MAN1B1: variants seen among roughly 807,000 people sequenced by gnomAD.
MAN1B1 encodes endoplasmic reticulum mannosyl-oligosaccharide 1,2-alpha-mannosidase.
Under a neutral mutation model 75.5 loss-of-function variants are expected in MAN1B1, and 66 were observed. The observed-to-expected ratio is 0.87, with a 90% CI of 0.72 to 1.07. The LOEUF is 1.07. Ranked by LOEUF, MAN1B1 falls within the 50% of genes least tolerant of loss-of-function variation. The pLI is 0.00. For synonymous variants in MAN1B1, 453 were observed against 382.8 expected, an observed-to-expected ratio of 1.18 and a Z score of -2.14; for missense variants, 973 against 912.5, an observed-to-expected ratio of 1.07 and a Z score of -0.85.
At position 137,107,046 on chromosome 9, in the gene MAN1B1, C is replaced by T; in HGVS notation, c.1567-204C>T. 6.7e-6 allele frequency: 5 copies of T among 747,038 alleles called. No individual in the cohort carries two copies. The South Asian group carries it at 9.3e-5, about 14-fold the overall frequency. 46.3% of individuals were successfully genotyped at this position (747,038 alleles called of 1,614,324 possible). A position where few individuals can be genotyped will look rare whatever the true frequency, so the allele number is the denominator to read the frequency against. On this transcript the variant is annotated intron_variant, in intron 10 of 12. Transcript: ENST00000371589. The stretch of plus-strand genomic sequence containing the variant: ...CTCCCTCCCCGTGCCCGGTGTGTAG[C>T]AGGTCCTCGGGCGGTGTGTGGGGGC...
rs1169491849 is a variant in MAN1B1 at position 137,097,814 on chromosome 9, C to T, written c.621-14C>T. ...TGTTTGACGGCAGCTGACACCCTTC[C>T]TTCTCCCCCGAAGCTGGAGGGGAGC... On this transcript the variant is annotated splice_polypyrimidine_tract_variant and intron_variant, in intron 4 of 12. Transcript: ENST00000371589. 1.9e-6 allele frequency: 3 copies of T among 1,543,516 alleles called. No individual in the cohort carries two copies. The highest frequency in any genetic ancestry group is 2.6e-6 in the Non-Finnish European group (3 of 1,140,190).
intron 8 of MAN1B1, chr9:137,103,350 T>C (rs1554756107): frequency 2.3e-6 from 1 of 438,548 alleles, no homozygotes. Context: ...TTTCACGCTG[T>C]TGCAGACGTG....
rs1255714745 is a variant in MAN1B1, at chr9:137,108,477, G to C, written c.1986G>C (p.Gly662=). ...PRDKMESFFL[G]ETLKYLFLLF... is the part of the protein sequence containing the mutation. ...ACAAGATGGAGAGCTTCTTCCTGGG[G>C]GAGACGCTCAAGTATCTGTTCTTGC... Residue 662 remains glycine, a synonymous_variant, in exon 13 of 13, where the codon GGG becomes GGC. Transcript: ENST00000371589. The C allele has an allele frequency of 1.2e-6, 2 of 1,613,862 alleles. No individual in the cohort carries two copies. Among genetic ancestry groups the C allele is most frequent in the African/African-American group, 2.7e-5 (2 of 74,916 alleles).
intron 5 of MAN1B1, 93 bp downstream of exon 5, chr9:137,098,030 C>T (rs900833099): frequency 2.1e-5 from 20 of 942,024 alleles, no homozygotes; most frequent in East Asian, 5.3e-5. Context: ...GGGTGGCGCC[C>T]CCGCCCTGGT....
chr9:137,103,211 T>G (rs1588629269), intron 8 of MAN1B1: 1 of 422,092 alleles, frequency 2.4e-6, no homozygotes, highest in African/African-American at 2.6e-5. Flanking sequence ...GGCGTGCAGG[T>G]CGGTGGTGTT....
chr9:137,108,357 G>A (rs770346353), intron 12 of MAN1B1, 31 bp from the exon 13 acceptor site: 73 of 1,589,022 alleles, frequency 4.6e-5, no homozygotes, highest in African/African-American at 2.7e-4. Context: ...GGTGCCCCCC[G>A]TGTGGTGACG....
At chr9:137,103,419 C>G in intron 8 of MAN1B1, 1 of 430,378 alleles carries the variant, frequency 2.3e-6, no homozygotes, top group Non-Finnish European at 4.6e-6. Flanking sequence ...GTGTTACATT[C>G]ACGCTGGTGC....
chr9:137,107,837 A>G (rs1831174530), intron 12 of MAN1B1, 175 bp downstream of exon 12: 2 of 800,800 alleles, frequency 2.5e-6, no homozygotes, highest in Non-Finnish European at 4.2e-6. Context: ...TGGCATCCCC[A>G]TCCCCACTGA....
intron 1 of MAN1B1, 57 bp from the exon 2 acceptor site, chr9:137,088,018 T>C: frequency 1.6e-6 from 2 of 1,289,132 alleles, no homozygotes; most frequent in East Asian, 2.3e-5. Flanking sequence ...TTGTGACAGT[T>C]GAGACGTTCC....
chr9:137,088,786 C>G, intron 2 of MAN1B1, 83 bp from the exon 3 acceptor site: 1 of 1,422,808 alleles, frequency 7.0e-7, no homozygotes, highest in Non-Finnish European at 9.9e-7. Flanking sequence ...ATGGATAGTG[C>G]CTGCCAAGTG....
chr9:137,102,030 T>G, intron 8 of MAN1B1: 1 of 474,536 alleles, frequency 2.1e-6, no homozygotes, highest in South Asian at 1.6e-5. Context: ...GTTGCAGGCG[T>G]GCAGGTTGGT....
chr9:137,092,478 T>G (rs1830542743), intron 3 of MAN1B1, among the ~76,000 whole-genome samples: 1 of 150,092 alleles, frequency 6.7e-6, no homozygotes, highest in Admixed American at 6.6e-5. Context: ...GTTTCTTTTT[T>G]TATGCACATG....
intron 3 of MAN1B1, among the ~76,000 whole-genome samples, chr9:137,092,141 A>G (rs1830532036): frequency 6.6e-6 from 1 of 152,074 alleles, no homozygotes; most frequent in African/African-American, 2.4e-5. Flanking sequence ...TTCAGAGGCC[A>G]AGGCAGGCAG....
chr9:137,097,976 A>G, intron 5 of MAN1B1, 39 bp downstream of exon 5: 2 of 1,471,384 alleles, frequency 1.4e-6, no homozygotes, highest in Non-Finnish European at 1.9e-6. Flanking sequence ...CCGGGCGCTC[A>G]GGGGCTGGTG....
chr9:137,092,193 C>G (rs1830533808), intron 3 of MAN1B1, among the ~76,000 whole-genome samples: 1 of 149,038 alleles, frequency 6.7e-6, no homozygotes. Flanking sequence ...AGACCACCAT[C>G]TCTACCAAAA....
At chr9:137,108,062 T>C in intron 12 of MAN1B1, 1 of 608,090 alleles carries the variant, frequency 1.6e-6, no homozygotes, top group Non-Finnish European at 2.9e-6. Context: ...CTGGCTCTGC[T>C]GTGATCTTGG....
chr9:137,106,101 C>T (rs1831086308), intron 8 of MAN1B1, 24 bp from the exon 9 acceptor site: 1 of 1,604,834 alleles, frequency 6.2e-7, no homozygotes, highest in Non-Finnish European at 8.5e-7. Flanking sequence ...GCCAGTAAAC[C>T]CACCATCCCC....
intron 8 of MAN1B1, chr9:137,102,572 A>T (rs797003681): frequency 3.4e-6 from 1 of 293,178 alleles, no homozygotes; most frequent in South Asian, 2.0e-5. Context: ...GCTGTTGCAG[A>T]TGTGCAGGTC....
intron 8 of MAN1B1, chr9:137,102,352 GTGT>G (rs1228205235): frequency 8.5e-5 from 37 of 433,372 alleles, no homozygotes; most frequent in Non-Finnish European, 1.2e-4. Flanking sequence ...CAGGTCGGTG[GTGT>G]TACATTCACG....
Sources: gnomAD v4.1 joint callset for allele counts (sites outside exome capture counted in the v4.1 genomes callset) on GRCh38, gnomAD v4.1.1 for gene constraint, MANE v1.5 for transcripts, NCBI Gene and HGNC (gene_info 2026-07-23, HGNC 2026-07-21) for gene names.